HDAC9: variants seen among roughly 807,000 people sequenced by gnomAD.
HDAC9 encodes the protein histone deacetylase 9.
HDAC9 carries 41 observed loss-of-function variants against 139.4 expected under a neutral mutation model. The observed-to-expected ratio is 0.29, with a 90% CI of 0.23 to 0.38. The LOEUF (loss-of-function observed/expected upper bound fraction) is 0.38, where lower values mean the gene tolerates loss of function less well. Ranked by LOEUF, HDAC9 falls within the 10% of genes least tolerant of loss-of-function variation. The pLI is 1.00. For synonymous variants in HDAC9, 517 were observed against 476.2 expected, an observed-to-expected ratio of 1.09 and a Z score of -1.12; for missense variants, 1,147 against 1,297.0, an observed-to-expected ratio of 0.88 and a Z score of 1.78.
intron 1 of HDAC9, among the ~76,000 whole-genome samples, chr7:18,412,765 G>A (rs1409146998): frequency 2.6e-5 from 4 of 152,200 alleles, no homozygotes; most frequent in African/African-American, 7.2e-5. Context: ...TAGTTCAACT[G>A]TGAGGTAAAA....
In HDAC9 at chr7:18,859,840, ATATATATATATATATATATG is replaced by A. The variant is rs1188938643; in HGVS notation, c.2685-14636_2685-14617del. On this transcript the variant is annotated intron_variant, in intron 21 of 25. Transcript: ENST00000686413. ...TATATATATATATATATATATATAT[ATATATATATATATATATATG>A]TGAGAGAATGAGAGAGAGAGAAATA... is the stretch of plus-strand genomic sequence containing the variant. Among the ~76,000 whole-genome samples, 4 of 130,142 alleles carry A rather than the reference ATATATATATATATATATATG, an allele frequency of 3.1e-5. No homozygotes were observed. The East Asian group carries it at 9.1e-4, about 30-fold the overall frequency. The allele number at this position is 130,142 out of a possible 152,430, so 85.4% of individuals were successfully genotyped here.
rs529549913 is a variant in HDAC9 at position 18,483,486 on chromosome 7, G to A, written c.-41-12776G>A. Reference sequence around the variant, plus strand: ...GTGTTTTGAGGATTATTTATGACCTGTATCAGTAGGCATTGTTGTTATGAT... The same window carrying A: ...GTGTTTTGAGGATTATTTATGACCTATATCAGTAGGCATTGTTGTTATGAT... On this transcript the variant is annotated intron_variant, in intron 1 of 3. Transcript: ENST00000413509. Among the ~76,000 whole-genome samples, 5 of 152,312 alleles carry A rather than the reference G, an allele frequency of 3.3e-5. No individual in the cohort carries two copies. The South Asian group carries it at 8.3e-4, about 25-fold the overall frequency.
chr7:18,973,807 T>C (rs907298461), intron 24 of HDAC9, among the ~76,000 whole-genome samples: 2 of 152,222 alleles, frequency 1.3e-5, no homozygotes, highest in Admixed American at 1.3e-4. Flanking sequence ...GGATTAGACA[T>C]CATGGTTTCC....
At position 18,108,872 on chromosome 7, in the gene HDAC9, G is replaced by A. The variant is rs531413238; in HGVS notation, c.-97+21659G>A. Among the ~76,000 whole-genome samples the A allele has an allele frequency of 3.3e-4, 50 of 152,032 alleles. 1 individual carries two copies. Among genetic ancestry groups the A allele is most frequent in the African/African-American group, 4.6e-4 (19 of 41,462 alleles). On this transcript the variant is annotated intron_variant, in intron 1 of 12. Coordinates refer to the HDAC9 transcript ENST00000417496. ...CCTGACCTCATGATCCTCCCTCCTC[G>A]GCCTCCCAAAGTGTTGGATTACAGG...
At chr7:18,531,561 A>G (rs993722728) in intron 2 of HDAC9, among the ~76,000 whole-genome samples, 2 of 152,158 alleles carry the variant, frequency 1.3e-5, no homozygotes, top group African/African-American at 4.8e-5. Context: ...TTTTTCCCCT[A>G]TGATTAAAGA....
chr7:18,182,961 T>C (rs1375845932), intron 2 of HDAC9, among the ~76,000 whole-genome samples: 1 of 151,856 alleles, frequency 6.6e-6, no homozygotes, highest in East Asian at 1.9e-4. Flanking sequence ...ACTGAAGCTT[T>C]CAGGGCAGTA....
At chr7:18,955,222 G>A (rs1783067098) in intron 24 of HDAC9, among the ~76,000 whole-genome samples, 1 of 152,112 alleles carries the variant, frequency 6.6e-6, no homozygotes, top group Admixed American at 6.6e-5. Flanking sequence ...TACAGGAACT[G>A]ACAGAGACAA....
chr7:18,713,193 A>T (rs1383568537), intron 12 of HDAC9, among the ~76,000 whole-genome samples: 2 of 152,124 alleles, frequency 1.3e-5, no homozygotes, highest in African/African-American at 4.8e-5. Flanking sequence ...AAAAAATTTG[A>T]CTGTTGATAG....
At chr7:18,862,847 A>T (rs1157728348) in intron 21 of HDAC9, among the ~76,000 whole-genome samples, 2 of 152,214 alleles carry the variant, frequency 1.3e-5, no homozygotes, top group Non-Finnish European at 2.9e-5. Flanking sequence ...TAGATTCAGG[A>T]GAATGCAATA....
intron 1 of HDAC9, among the ~76,000 whole-genome samples, chr7:18,153,397 C>T (rs1393830997): frequency 6.6e-6 from 1 of 152,090 alleles, no homozygotes; most frequent in Non-Finnish European, 1.5e-5. Flanking sequence ...ACTTGATATA[C>T]ACCCTATGTA....
At chr7:18,783,617 G>T (rs1248159918) in intron 16 of HDAC9, among the ~76,000 whole-genome samples, 2 of 150,582 alleles carry the variant, frequency 1.3e-5, no homozygotes, top group African/African-American at 4.9e-5. Flanking sequence ...ATTAAGCTTT[G>T]ATGGTTACCA....
chr7:18,683,217 C>G (rs1406939776), intron 12 of HDAC9, among the ~76,000 whole-genome samples: 3 of 152,050 alleles, frequency 2.0e-5, no homozygotes, highest in Middle Eastern at 3.4e-3. Context: ...ATTAAACTTA[C>G]AAATTAATTT....
At chr7:18,375,144 A>C (rs35041699) in intron 1 of HDAC9, among the ~76,000 whole-genome samples, 9,678 of 152,292 alleles carry the variant, frequency 0.064, 592 homozygotes, top group African/African-American at 0.16. Flanking sequence ...AGCTTCATGC[A>C]TGTTACTACA....
At chr7:18,754,552 G>A (rs750691285) in intron 14 of HDAC9, among the ~76,000 whole-genome samples, 10 of 152,024 alleles carry the variant, frequency 6.6e-5, no homozygotes, top group Non-Finnish European at 1.0e-4. Flanking sequence ...TGGAATTTGC[G>A]TTGCCTTTTT....
chr7:18,269,898 T>G (rs1796246459), intron 2 of HDAC9, among the ~76,000 whole-genome samples: 1 of 152,020 alleles, frequency 6.6e-6, no homozygotes, highest in Non-Finnish European at 1.5e-5. Flanking sequence ...ATCATTGAGG[T>G]GAAAAGATCT....
At chr7:18,691,908 G>C (rs1033158894) in intron 12 of HDAC9, among the ~76,000 whole-genome samples, 2 of 151,998 alleles carry the variant, frequency 1.3e-5, no homozygotes, top group African/African-American at 4.8e-5. Flanking sequence ...GTCAACAAAA[G>C]AGAACAGTCT....
At chr7:18,787,624 A>C (rs534663560) in intron 16 of HDAC9, among the ~76,000 whole-genome samples, 1 of 152,322 alleles carries the variant, frequency 6.6e-6, no homozygotes, top group African/African-American at 2.4e-5. Context: ...AGGTAGGAAT[A>C]TTTAGGGATT....
intron 2 of HDAC9, among the ~76,000 whole-genome samples, chr7:18,548,430 C>T (rs1352622887): frequency 4.6e-5 from 7 of 152,022 alleles, no homozygotes; most frequent in East Asian, 1.9e-4. Flanking sequence ...TGCTCAAAGC[C>T]GAGTTGCCAC....
chr7:18,747,337 A>G (rs527683255), intron 13 of HDAC9, among the ~76,000 whole-genome samples: 1 of 152,166 alleles, frequency 6.6e-6, no homozygotes, highest in Non-Finnish European at 1.5e-5. Flanking sequence ...CAGATTAGAG[A>G]TAATAACACC....
Sources: allele counts gnomAD v4.1 joint callset (sites outside exome capture counted in the v4.1 genomes callset), GRCh38; gene constraint gnomAD v4.1.1; transcripts MANE v1.5; gene names NCBI Gene and HGNC (gene_info 2026-07-23, HGNC 2026-07-21).